INSRR: variants seen among roughly 807,000 people sequenced by gnomAD.
INSRR encodes the protein insulin receptor-related protein.
Under a neutral mutation model 130.0 loss-of-function variants are expected in INSRR, and 114 were observed. The observed-to-expected ratio is 0.88, with a 90% confidence interval of 0.75 to 1.02. The LOEUF (loss-of-function observed/expected upper bound fraction) is 1.02. Among genes scored for constraint, INSRR ranks in the 50% least tolerant of loss-of-function variants. The probability of loss-of-function intolerance (pLI) is 0.00; values close to 1 mark genes in which losing one functional copy is unlikely to be tolerated. For synonymous variants in INSRR, 674 were observed against 705.2 expected (o/e 0.96, Z 0.70); for missense variants, 1,657 against 1,735.2 (o/e 0.95, Z 0.80).
In INSRR at chr1:156,848,832, G is replaced by T. The variant is rs1470612783; in HGVS notation, c.1571+89C>A. On this transcript the variant is annotated intron_variant, in intron 7 of 21. Transcript: ENST00000368195. ...TGGCTTCCTGGGTCTTCATAGCCTC[G>T]CTGAGCTCCGCCCTCACCTGCCTGT... 24 of 1,461,394 alleles carry T rather than the reference G, an allele frequency of 1.6e-5. No homozygotes were observed. In the East Asian group the frequency reaches 3.7e-4, roughly 23 times the overall value. 90.5% of individuals were successfully genotyped at this position (1,461,394 alleles called of 1,614,324 possible). A position where few individuals can be genotyped will look rare whatever the true frequency, so the allele number is the denominator to read the frequency against.
Position 156,852,217 on chromosome 1 carries a change from G to A in INSRR, c.638-26C>T, listed in dbSNP as rs764821474. 5.8e-6 allele frequency: 9 copies of A among 1,555,822 alleles called. No homozygotes were observed. In the Admixed American group the frequency reaches 7.1e-5, roughly 12 times the overall value. On this transcript the variant is annotated intron_variant, in intron 2 of 21. Transcript: ENST00000368195. ...CTGTGGGGAGAGTGGTGTGTTAGAC[G>A]TTGGCCATGCCCCCTCAGTCCTGGC... is the stretch of plus-strand genomic sequence containing the variant.
Position 156,849,470 on chromosome 1 carries a change from GCCAGGGGACCTTGCTCTGC to G in INSRR, c.1230-29_1230-11del. The G allele has an allele frequency of 7.9e-7, 1 of 1,269,646 alleles. No individual in the cohort carries two copies. Among genetic ancestry groups the G allele is most frequent in the Non-Finnish European group, 1.1e-6 (1 of 928,184 alleles). The allele number at this position is 1,269,646 out of a possible 1,614,324, so 78.6% of individuals were successfully genotyped here. Reference sequence around the variant, plus strand: ...GTAGAGAGTGTAGTTCCTGGGGGAGGCCAGGGGACCTTGCTCTGCGGGGAGGTGGGGGCAGGGGGTGGGA... The same window carrying G: ...GTAGAGAGTGTAGTTCCTGGGGGAGGGGGGAGGTGGGGGCAGGGGGTGGGA... On this transcript the variant is annotated splice_polypyrimidine_tract_variant and intron_variant, in intron 5 of 21. Coordinates refer to ENST00000368195, the MANE Select transcript of INSRR (RefSeq NM_014215.3).
At position 156,854,150 on chromosome 1, in the gene INSRR, G is replaced by A. The variant is rs761243065; in HGVS notation, c.239C>T (p.Thr80Ile). ...GACACGGAAGAGCAGCAGGTAGTCGGTGACCTGGGTGAGGCGAGGGAAGCT... is the reference window on the plus strand; with the variant it reads ...GACACGGAAGAGCAGCAGGTAGTCGATGACCTGGGTGAGGCGAGGGAAGCT... ...GLSFPRLTQV[T>I]DYLLLFRVYG... The change falls in exon 2 of 22, where the codon ACC becomes ATC. Residue 80 changes from threonine to isoleucine, a missense_variant. By Grantham distance (89) the Thr-to-Ile change is moderately conservative. Coordinates refer to ENST00000368195, the MANE Select transcript of INSRR (RefSeq NM_014215.3). The surrounding 1 kb of genome is among the most constrained non-coding windows in gnomAD (Gnocchi z 4.2). 6.2e-7 allele frequency: 1 copy of A among 1,614,170 alleles called. No individual in the cohort carries two copies. Among genetic ancestry groups the A allele is most frequent in the Non-Finnish European group, 8.5e-7 (1 of 1,180,042 alleles).
chr1:156,848,322 A>C (rs1655081948), intron 7 of INSRR, among the ~76,000 whole-genome samples: 1 of 152,178 alleles, frequency 6.6e-6, no homozygotes, highest in Non-Finnish European at 1.5e-5. Context: ...AGAGAGCATG[A>C]ACTCCTTACT....
Position 156,845,223 on chromosome 1 carries a change from C to A in INSRR, c.2290G>T (p.Glu764Ter). Residue 764 changes from glutamate to a stop codon, truncating the protein, a stop_gained, in exon 12 of 22, where the codon GAG becomes TAG. Coordinates refer to ENST00000368195, the MANE Select transcript of INSRR (RefSeq NM_014215.3). LOFTEE classifies it high-confidence loss of function. ...GGNSSDFEIQ[E>*]DKVPRERAVL... is the part of the protein sequence containing the mutation. ...GCTCGCTCACGGGGCACCTTGTCCT[C>A]CTGGATCTCGAAATCCGAGCTGTTG... 6.2e-7 allele frequency: 1 copy of A among 1,609,962 alleles called. No individual in the cohort carries two copies. Among genetic ancestry groups the A allele is most frequent in the South Asian group, 1.1e-5 (1 of 90,412 alleles).
intron 2 of INSRR, 23 bp from the exon 3 acceptor site, chr1:156,852,214 G>C (rs776085070): frequency 6.4e-7 from 1 of 1,559,082 alleles, no homozygotes; most frequent in South Asian, 1.2e-5. Flanking sequence ...TGGTGTGTTA[G>C]ACGTTGGCCA....
At position 156,854,016 on chromosome 1, in the gene INSRR, C is replaced by T. The variant is rs756463436; in HGVS notation, c.373G>A (p.Asp125Asn). The change falls in exon 2 of 22, where the codon GAC becomes AAC. Residue 125 changes from aspartate (D) to asparagine (N), a missense_variant. Asp to Asn is a conservative substitution (Grantham distance 23). Coordinates refer to ENST00000368195, the MANE Select transcript of INSRR (RefSeq NM_014215.3). The surrounding 1 kb of genome is among the most constrained non-coding windows in gnomAD (Gnocchi z 4.2). ...LVIFEMPHLRDVALPALGAVL... is the reference protein window; with the variant it reads ...LVIFEMPHLRNVALPALGAVL... The stretch of plus-strand genomic sequence containing the variant: ...GCCCCAAGTGCAGGCAGTGCCACGT[C>T]ACGCAGATGTGGCATCTCAAAGATG... 3.7e-6 allele frequency: 6 copies of T among 1,613,854 alleles called. No individual in the cohort carries two copies. Among genetic ancestry groups the T allele is most frequent in the Non-Finnish European group, 4.2e-6 (5 of 1,179,928 alleles).
At position 156,851,796 on chromosome 1, in the gene INSRR, G is replaced by T. The variant is rs773006653; in HGVS notation, c.942-8C>A. 4.4e-6 allele frequency: 7 copies of T among 1,605,080 alleles called. No individual in the cohort carries two copies. The highest frequency in any genetic ancestry group is 2.2e-5 in the South Asian group (2 of 90,092). ...CACTTGTGGCAGAATATGCTAGCAG[G>T]AGCAAGCAGATGTCCTGAGCCTTGG... is the stretch of plus-strand genomic sequence containing the variant. On this transcript the variant is annotated splice_polypyrimidine_tract_variant and splice_region_variant and intron_variant, in intron 3 of 21. Transcript: ENST00000368195.
chr1:156,849,184 C>A, intron 6 of INSRR, 62 bp downstream of exon 6: 1 of 1,604,340 alleles, frequency 6.2e-7, no homozygotes, highest in Non-Finnish European at 8.5e-7. Flanking sequence ...TTTCTCCCTC[C>A]CCCGGGTGTG....
Position 156,844,197 on chromosome 1 carries a change from C to A in INSRR, c.2821G>T (p.Gly941Cys). ...CACCTCTTCTTGCCGTAGAAGAAAC[C>A]AAGGGCAGCAAGAACGATGAGCAGC... Reference protein sequence around the residue: ...LTLLIVLAALGFFYGKKRNRT... With the variant: ...LTLLIVLAALCFFYGKKRNRT... The change falls in exon 15 of 22, where the codon GGT (glycine) becomes TGT (cysteine). Residue 941 changes from glycine (G) to cysteine (C), a missense_variant. Coordinates refer to ENST00000368195, the MANE Select transcript of INSRR (RefSeq NM_014215.3). The A allele has an allele frequency of 6.2e-7, 1 of 1,613,822 alleles. No homozygotes were observed. Among genetic ancestry groups the A allele is most frequent in the South Asian group, 1.1e-5 (1 of 91,062 alleles).
In INSRR at chr1:156,848,947, G is replaced by C; in HGVS notation, c.1545C>G (p.Leu515=). The stretch of plus-strand genomic sequence containing the variant: ...ACTCCTTGTAGTACACGATGAAGCT[G>C]AGCAGGTCGCGGGCCTCCAGTGGCT... ...RYEPLEARDL[L]SFIVYYKESP... Residue 515 remains leucine (L), a synonymous_variant, in exon 7 of 22, where the codon CTC becomes CTG. Coordinates refer to ENST00000368195, the MANE Select transcript of INSRR (RefSeq NM_014215.3). The C allele has an allele frequency of 6.3e-7, 1 of 1,593,216 alleles. No individual in the cohort carries two copies. Among genetic ancestry groups the C allele is most frequent in the Non-Finnish European group, 8.5e-7 (1 of 1,170,116 alleles).
chr1:156,852,130 G>A lies in INSRR; in HGVS notation c.699C>T (p.Cys233=). ...TARGECCHTE[C]LGGCSQPEDP... ...CTTCTGGCTGGCTGCAGCCCCCCAG[G>A]CATTCGGTGTGGCAGCACTCGCCCC... The change falls in exon 3 of 22, where the codon TGC becomes TGT. Residue 233 remains cysteine (C), a synonymous_variant. Transcript: ENST00000368195. 2 of 1,613,322 alleles carry A rather than the reference G, an allele frequency of 1.2e-6. No individual in the cohort carries two copies. The highest frequency in any genetic ancestry group is 1.7e-6 in the Non-Finnish European group (2 of 1,179,790).
At chr1:156,856,925 T>C (rs1655424537) in intron 1 of INSRR, among the ~76,000 whole-genome samples, 2 of 152,190 alleles carry the variant, frequency 1.3e-5, no homozygotes, top group Admixed American at 6.5e-5. Context: ...GATTCAAGTC[T>C]GAATGTTTCA....
In INSRR at chr1:156,848,981, T is replaced by TC. The variant is rs1200724396; in HGVS notation, c.1510dup (p.Glu504GlyfsTer4). On this transcript the variant is annotated frameshift_variant, in exon 7 of 22. Transcript: ENST00000368195. LOFTEE classifies it high-confidence loss of function. ...GCGGGCCTCCAGTGGCTCATAGCGC[T>TC]CCCAGCGTAGCAGGATGCGGTCTGC... 1 of 1,610,168 alleles carries TC rather than the reference T, an allele frequency of 6.2e-7. No individual in the cohort carries two copies. Among genetic ancestry groups the TC allele is most frequent in the Non-Finnish European group, 8.5e-7 (1 of 1,178,698 alleles).
intron 1 of INSRR, among the ~76,000 whole-genome samples, chr1:156,857,577 C>T (rs998872034): frequency 1.3e-5 from 2 of 152,168 alleles, no homozygotes; most frequent in African/African-American, 4.8e-5. Context: ...GGAGGGGGTT[C>T]GGTGGTCGGG....
At chr1:156,848,800 C>T in intron 7 of INSRR, 121 bp downstream of exon 7, 8 of 1,222,786 alleles carry the variant, frequency 6.5e-6, no homozygotes, top group Non-Finnish European at 9.0e-6. Context: ...GTACAACTTG[C>T]GGGTCCTGGC....
In INSRR at chr1:156,841,121, G is replaced by A. The variant is rs1392762237; in HGVS notation, c.3663-17C>T. 3 of 1,547,764 alleles carry A rather than the reference G, an allele frequency of 1.9e-6. No individual in the cohort carries two copies. Among genetic ancestry groups the A allele is most frequent in the Non-Finnish European group, 2.6e-6 (3 of 1,142,728 alleles). ...AGCTCCTGCCTGGTGGGTGTGGGGA[G>A]CAGGGTCAGAGGCATCCGGGAGCCC... On this transcript the variant is annotated splice_polypyrimidine_tract_variant and intron_variant, in intron 21 of 21. Transcript: ENST00000368195.
At position 156,845,015 on chromosome 1, in the gene INSRR, C is replaced by G; in HGVS notation, c.2437+61G>C. 3.9e-6 allele frequency: 6 copies of G among 1,553,134 alleles called. No individual in the cohort carries two copies. In the South Asian group the frequency reaches 5.9e-5, roughly 15 times the overall value. On this transcript the variant is annotated intron_variant, in intron 12 of 21. Transcript: ENST00000368195. ...GTTAGCGAGAAGTCAAACCCCAAAC[C>G]TTTGCACAGGGTCCTTGGGGTCGGT...
At chr1:156,848,152 G>A (rs12145540) in intron 7 of INSRR, among the ~76,000 whole-genome samples, 19,966 of 152,020 alleles carry the variant, frequency 0.13, 1,916 homozygotes, top group African/African-American at 0.27. Context: ...GACCTAGGAG[G>A]GTCTCGGCCA....
Sources: gnomAD v4.1 joint callset for allele counts (sites outside exome capture counted in the v4.1 genomes callset) on GRCh38, gnomAD v4.1.1 for gene constraint, Gnocchi (gnomAD v3.1) non-coding constraint, MANE v1.5 for transcripts, NCBI Gene and HGNC (gene_info 2026-07-23, HGNC 2026-07-21) for gene names.